VANGL1: variants seen among roughly 807,000 people sequenced by gnomAD.
VANGL1 encodes VANGL planar cell polarity protein 1, also known as vang-like protein 1.
In VANGL1, 18 loss-of-function variants were observed where a neutral mutation model predicts 48.4. That is an observed-to-expected ratio of 0.37 (90% CI 0.26 to 0.55). The LOEUF (loss-of-function observed/expected upper bound fraction) is 0.55, where lower values mean the gene tolerates loss of function less well. Ranked by LOEUF, VANGL1 falls within the 20% of genes least tolerant of loss-of-function variation. The pLI is 0.81. For missense variants in VANGL1, 667 were observed against 675.8 expected, an observed-to-expected ratio of 0.99 and a Z score of 0.14; for synonymous variants, 257 against 261.8, an observed-to-expected ratio of 0.98 and a Z score of 0.18.
chr1:115,684,650 C>T lies in VANGL1; in HGVS notation c.1079+574C>T, dbSNP rs117104079. Among the ~76,000 whole-genome samples, 119 of 152,282 alleles carry T rather than the reference C, an allele frequency of 7.8e-4. 1 individual carries two copies. In the East Asian group the frequency reaches 0.022, roughly 28 times the overall value. On this transcript the variant is annotated intron_variant, in intron 6 of 7. Coordinates refer to ENST00000355485, the MANE Select transcript of VANGL1 (RefSeq NM_138959.3). ...CCTACCCAATAGGTGTGGAGTTGGGCCCAAGAAATGGCATTTCTAACAGAT... is the reference window on the plus strand; with the variant it reads ...CCTACCCAATAGGTGTGGAGTTGGGTCCAAGAAATGGCATTTCTAACAGAT...
rs746157399 is a variant in VANGL1 at position 115,663,762 on chromosome 1, C to T, written c.306C>T (p.Ser102=). ...IARISKDMED[S]VGLDCKRYLG... Reference sequence around the variant, plus strand: ...GGATCAGCAAGGACATGGAGGACAGCGTGGGGCTGGATTGCAAACGCTACC... The same window carrying T: ...GGATCAGCAAGGACATGGAGGACAGTGTGGGGCTGGATTGCAAACGCTACC... The change falls in exon 4 of 8, where the codon AGC becomes AGT. Residue 102 remains serine (S), a synonymous_variant. Coordinates refer to ENST00000355485, the MANE Select transcript of VANGL1 (RefSeq NM_138959.3). The T allele has an allele frequency of 5.0e-6, 8 of 1,614,212 alleles. No individual in the cohort carries two copies. The highest frequency in any genetic ancestry group is 4.5e-5 in the East Asian group (2 of 44,878).
chr1:115,645,733 A>G (rs1366600809), intron 1 of VANGL1, among the ~76,000 whole-genome samples: 1 of 152,218 alleles, frequency 6.6e-6, no homozygotes, highest in Non-Finnish European at 1.5e-5. Context: ...TAATATAAAT[A>G]ATAATTAATA....
chr1:115,686,797 T>C (rs1463383009), intron 7 of VANGL1, among the ~76,000 whole-genome samples: 3 of 152,248 alleles, frequency 2.0e-5, no homozygotes, highest in Non-Finnish European at 4.4e-5. Flanking sequence ...CCTCTTCATA[T>C]GACAGGTACT....
chr1:115,682,271 G>T (rs1278739279), intron 4 of VANGL1, 93 bp from the exon 5 acceptor site: 3 of 1,526,414 alleles, frequency 2.0e-6, no homozygotes, highest in Non-Finnish European at 2.7e-6. Context: ...TTGATGTTGT[G>T]TTCCTTTACC....
At chr1:115,671,788 G>A (rs981586316) in intron 4 of VANGL1, among the ~76,000 whole-genome samples, 3 of 152,214 alleles carry the variant, frequency 2.0e-5, no homozygotes, top group Non-Finnish European at 4.4e-5. Context: ...GCAGAGCCAA[G>A]CCCCTCACTT....
At chr1:115,670,008 C>T (rs1652916654) in intron 4 of VANGL1, among the ~76,000 whole-genome samples, 1 of 152,082 alleles carries the variant, frequency 6.6e-6, no homozygotes, top group South Asian at 2.1e-4. Flanking sequence ...GAGATGGAGC[C>T]CCTAAGGAAG....
Position 115,684,089 on chromosome 1 carries a change from C to T in VANGL1, c.1079+13C>T, listed in dbSNP as rs1221777758. On this transcript the variant is annotated intron_variant, in intron 6 of 7. Coordinates refer to ENST00000355485, the MANE Select transcript of VANGL1 (RefSeq NM_138959.3). ...AGCGGAAAGCAAGGTATACTGCCCT[C>T]CTGATGCCAGTACCCTCTTACAGAC... 6.2e-7 allele frequency: 1 copy of T among 1,612,364 alleles called. No individual in the cohort carries two copies. The highest frequency in any genetic ancestry group is 8.5e-7 in the Non-Finnish European group (1 of 1,179,110).
chr1:115,664,385 CTT>C, intron 4 of VANGL1, 117 bp downstream of exon 4: 1 of 1,458,656 alleles, frequency 6.9e-7, no homozygotes, highest in South Asian at 1.4e-5. Flanking sequence ...GAGTCTGACT[CTT>C]TTCTGGTTTG....
At chr1:115,663,147 T>G (rs886578625) in intron 3 of VANGL1, among the ~76,000 whole-genome samples, 1 of 152,170 alleles carries the variant, frequency 6.6e-6, no homozygotes, top group African/African-American at 2.4e-5. Context: ...TGTAGTGGTG[T>G]AAGTTCCCTT....
At chr1:115,652,105 G>A (rs1652173864) in intron 2 of VANGL1, among the ~76,000 whole-genome samples, 1 of 152,208 alleles carries the variant, frequency 6.6e-6, no homozygotes, top group Non-Finnish European at 1.5e-5. Flanking sequence ...CTTTTCACCT[G>A]AAGTTGTTGA....
chr1:115,643,828 C>G (rs762233806), intron 1 of VANGL1, among the ~76,000 whole-genome samples: 5 of 152,176 alleles, frequency 3.3e-5, no homozygotes, highest in East Asian at 1.9e-4. Flanking sequence ...GGCATCCTCC[C>G]CTTCATCATC....
intron 4 of VANGL1, among the ~76,000 whole-genome samples, chr1:115,670,111 C>T (rs568926634): frequency 1.2e-4 from 19 of 152,180 alleles, no homozygotes; most frequent in Admixed American, 7.9e-4. Context: ...TGCTCTGTCT[C>T]TGCACACACC....
intron 4 of VANGL1, among the ~76,000 whole-genome samples, chr1:115,674,450 T>C (rs965459072): frequency 4.6e-5 from 7 of 152,210 alleles, no homozygotes; most frequent in Non-Finnish European, 2.9e-5. Flanking sequence ...AGGCTAGTTA[T>C]TAAGATTTTT....
intron 4 of VANGL1, 146 bp downstream of exon 4, chr1:115,664,414 G>T (rs1036909933): frequency 4.7e-6 from 6 of 1,267,608 alleles, no homozygotes; most frequent in Non-Finnish European, 5.3e-6. Context: ...AGATGCGAGG[G>T]TGGGGAGGGT....
Position 115,698,086 on chromosome 1 carries a change from G to C in VANGL1, c.*6707G>C, listed in dbSNP as rs965982860. ...GAGTTAGTGTCTCTGATGGAATAGT[G>C]TACCTGTCACCCAAGTTATTTTGTT... On this transcript the variant is annotated 3_prime_UTR_variant, in exon 8 of 8. Coordinates refer to ENST00000355485, the MANE Select transcript of VANGL1 (RefSeq NM_138959.3). 6.6e-6 allele frequency: 1 copy of C among 152,154 alleles called. No individual in the cohort carries two copies. Among genetic ancestry groups the C allele is most frequent in the Admixed American group, 6.5e-5 (1 of 15,278 alleles). 9.4% of individuals were successfully genotyped at this position (152,154 alleles called of 1,614,324 possible). A position where few individuals can be genotyped will look rare whatever the true frequency, so the allele number is the denominator to read the frequency against.
At chr1:115,655,770 A>T (rs934077324) in intron 2 of VANGL1, among the ~76,000 whole-genome samples, 1 of 152,196 alleles carries the variant, frequency 6.6e-6, no homozygotes, top group Non-Finnish European at 1.5e-5. Flanking sequence ...ACCCTCTCCC[A>T]GACAGCACTT....
intron 7 of VANGL1, 47 bp downstream of exon 7, chr1:115,685,574 C>A: frequency 6.3e-7 from 1 of 1,592,754 alleles, no homozygotes; most frequent in Non-Finnish European, 8.6e-7. Context: ...TGGCTTGTCA[C>A]TGAGCTTGGC....
rs1324787292 is a variant in VANGL1, at chr1:115,664,094, A to T, written c.638A>T (p.Asp213Val). 40 of 1,613,926 alleles carry T rather than the reference A, an allele frequency of 2.5e-5. No homozygotes were observed. The highest frequency in any genetic ancestry group is 3.4e-5 in the Non-Finnish European group (40 of 1,180,022). ...GGGGTCCGCATTTTGGACTCTCGGG[A>T]CCGGAATTACCAGGGCATTGTGCAA... ...FYGVRILDSR[D>V]RNYQGIVQYA... The change falls in exon 4 of 8, where the codon GAC (aspartate) becomes GTC (valine). Residue 213 changes from aspartate to valine, a missense_variant. By Grantham distance (152) the Asp-to-Val change is radical (BLOSUM62 -3). Transcript: ENST00000355485.
At position 115,691,865 on chromosome 1, in the gene VANGL1, T is replaced by G. The variant is rs1316721461; in HGVS notation, c.*486T>G. ...ATCACCCATGAAAGTCGTGGGCAGTTCAGGAGATACCTGCCTTCATCTTTG... is the reference window on the plus strand; with the variant it reads ...ATCACCCATGAAAGTCGTGGGCAGTGCAGGAGATACCTGCCTTCATCTTTG... On this transcript the variant is annotated 3_prime_UTR_variant, in exon 8 of 8. Transcript: ENST00000355485. The G allele has an allele frequency of 6.3e-6, 1 of 157,594 alleles. No individual in the cohort carries two copies. The highest frequency in any genetic ancestry group is 1.4e-5 in the Non-Finnish European group (1 of 71,108). The allele number at this position is 157,594 out of a possible 1,614,324, so 9.8% of individuals were successfully genotyped here. A position where few individuals can be genotyped will look rare whatever the true frequency, so the allele number is the denominator to read the frequency against.
Sources: gnomAD v4.1 joint callset for allele counts (sites outside exome capture counted in the v4.1 genomes callset) on GRCh38, gnomAD v4.1.1 for gene constraint, MANE v1.5 for transcripts, NCBI Gene and HGNC (gene_info 2026-07-23, HGNC 2026-07-21) for gene names.